The following ADGRD1 variants were observed in gnomAD, a reference collection of about 807,000 sequenced individuals.
ADGRD1 encodes adhesion G protein-coupled receptor D1, also known as G-protein coupled receptor 133.
A neutral mutation model predicts 113.4 loss-of-function variants in ADGRD1; 77 were observed. That is an observed-to-expected ratio of 0.68 (90% CI 0.57 to 0.82). The LOEUF (loss-of-function observed/expected upper bound fraction) is 0.82. Ranked by LOEUF, ADGRD1 falls within the 40% of genes least tolerant of loss-of-function variation. ADGRD1 has a pLI of 0.00. For synonymous variants in ADGRD1, 474 were observed against 475.0 expected (o/e 1.00, Z 0.03); for missense variants, 1,036 against 1,139.1 (o/e 0.91, Z 1.30).
intron 14 of ADGRD1, among the ~76,000 whole-genome samples, chr12:131,081,877 T>C (rs1374450600): frequency 6.6e-6 from 1 of 152,222 alleles, no homozygotes; most frequent in Admixed American, 6.5e-5. Flanking sequence ...TGAAAGATTT[T>C]CATTGGGCTT....
chr12:131,126,495 T>C (rs549519895), intron 20 of ADGRD1, among the ~76,000 whole-genome samples: 82 of 152,334 alleles, frequency 5.4e-4, no homozygotes, highest in Admixed American at 5.3e-3. Context: ...TAGCTATTTG[T>C]ATGTGTGTAT....
At chr12:131,005,868 A>G (rs7978321) in intron 11 of ADGRD1, 104 bp from the exon 12 acceptor site, 277,023 of 867,660 alleles carry the variant, frequency 0.32, 45,552 homozygotes, top group African/African-American at 0.39. Context: ...GAGGGTTCTT[A>G]GGAGTGAGGG....
At chr12:131,124,644 C>T (rs984078331) in intron 20 of ADGRD1, among the ~76,000 whole-genome samples, 2 of 152,046 alleles carry the variant, frequency 1.3e-5, no homozygotes, top group African/African-American at 4.8e-5. Context: ...CACCAGGCGT[C>T]TACAGCCAAA....
chr12:131,079,395 A>C (rs1885894260), intron 14 of ADGRD1, among the ~76,000 whole-genome samples: 1 of 152,160 alleles, frequency 6.6e-6, no homozygotes, highest in East Asian at 1.9e-4. Flanking sequence ...GCTAAATCTA[A>C]TTGGCTACAG....
At chr12:131,104,112 G>A (rs1950168800) in intron 15 of ADGRD1, among the ~76,000 whole-genome samples, 1 of 152,242 alleles carries the variant, frequency 6.6e-6, no homozygotes, top group South Asian at 2.1e-4. Context: ...CCCACAAGGT[G>A]TTGGGACCCA....
chr12:131,065,116 G>C (rs1884613257), intron 13 of ADGRD1, among the ~76,000 whole-genome samples: 1 of 152,168 alleles, frequency 6.6e-6, no homozygotes, highest in African/African-American at 2.4e-5. Flanking sequence ...CCTTGTAGAA[G>C]CCACGTGGCC....
At chr12:131,033,283 G>T (rs1361414608) in intron 13 of ADGRD1, among the ~76,000 whole-genome samples, 1 of 152,186 alleles carries the variant, frequency 6.6e-6, no homozygotes, top group African/African-American at 2.4e-5. Flanking sequence ...TGGGAAGGAA[G>T]GACTTCCAGG....
chr12:130,976,063 C>T (rs1431067019), intron 4 of ADGRD1, among the ~76,000 whole-genome samples: 4 of 152,218 alleles, frequency 2.6e-5, no homozygotes, highest in Admixed American at 6.5e-5. Flanking sequence ...TCCGCACGGC[C>T]ATTTCCCTCT....
At chr12:130,973,328 C>T (rs1342605066) in intron 4 of ADGRD1, 3 of 152,246 alleles carry the variant, frequency 2.0e-5, no homozygotes, top group African/African-American at 7.2e-5. Flanking sequence ...AAAGCCTCAT[C>T]TGTAAAGTGA....
At chr12:131,136,926 T>G (rs760619438) in intron 22 of ADGRD1, 47 bp from the exon 23 acceptor site, 1 of 1,487,194 alleles carries the variant, frequency 6.7e-7, no homozygotes, top group African/African-American at 1.4e-5. Flanking sequence ...TGTTCCTAAC[T>G]ACGTGCAAAG....
chr12:131,040,899 C>T (rs1041506210), intron 13 of ADGRD1, among the ~76,000 whole-genome samples: 2 of 152,240 alleles, frequency 1.3e-5, no homozygotes, highest in Non-Finnish European at 2.9e-5. Flanking sequence ...TTACATCAGA[C>T]GATTCTTACC....
chr12:131,117,442 G>C (rs866316853), intron 18 of ADGRD1, among the ~76,000 whole-genome samples: 4 of 152,042 alleles, frequency 2.6e-5, no homozygotes, highest in Non-Finnish European at 5.9e-5. Flanking sequence ...TTCTTTTTCC[G>C]TCTCTCAGAT....
chr12:131,096,674 C>G lies in ADGRD1; in HGVS notation c.1672-8157C>G, dbSNP rs1887305629. 6.6e-6 allele frequency among the ~76,000 whole-genome samples: 1 copy of G among 152,104 alleles called. No individual in the cohort carries two copies. The highest frequency in any genetic ancestry group is 1.5e-5 in the Non-Finnish European group (1 of 68,044). ...TGTGAGGATGGGTTCCCGTGGGGCA[C>G]TGCCGGTCCAGTTTTATATCCCGCC... On this transcript the variant is annotated intron_variant, in intron 15 of 24. Coordinates refer to ENST00000261654, the MANE Select transcript of ADGRD1 (RefSeq NM_198827.5). This position sits in a 1 kb window ranked among gnomAD's most constrained non-coding sequence, Gnocchi z 5.2.
At chr12:131,030,925 T>C (rs1177757318) in intron 13 of ADGRD1, 1 of 152,232 alleles carries the variant, frequency 6.6e-6, no homozygotes, top group Admixed American at 6.5e-5. Flanking sequence ...TCGCCTTGGT[T>C]ACAGCCACCT....
At chr12:131,053,484 C>A (rs777735025) in intron 13 of ADGRD1, among the ~76,000 whole-genome samples, 1 of 152,186 alleles carries the variant, frequency 6.6e-6, no homozygotes, top group Non-Finnish European at 1.5e-5. Flanking sequence ...GAGGACCTGA[C>A]ATGATTTTTG....
chr12:131,070,435 GA>G (rs1566082057), intron 13 of ADGRD1: 1 of 163,820 alleles, frequency 6.1e-6, no homozygotes, highest in Non-Finnish European at 1.3e-5. Flanking sequence ...TCTGAAGTGG[GA>G]GGGTCTCGTG....
chr12:131,066,372 T>C (rs1884720320), intron 13 of ADGRD1, among the ~76,000 whole-genome samples: 1 of 152,134 alleles, frequency 6.6e-6, no homozygotes, highest in Non-Finnish European at 1.5e-5. Flanking sequence ...TCAGGATGTT[T>C]AGGGCTCGGG....
rs2137285880 is a variant in ADGRD1 at position 131,097,890 on chromosome 12, TGCCCTAC to T, written c.1672-6938_1672-6932del. On this transcript the variant is annotated intron_variant, in intron 15 of 24. Coordinates refer to ENST00000261654, the MANE Select transcript of ADGRD1 (RefSeq NM_198827.5). ...CCCATCCTCTGCTCACCCTGCTCTCTGCCCTACGCTTGGCTTCCTGCCAAGTCCAACC... is the reference window on the plus strand; with the variant it reads ...CCCATCCTCTGCTCACCCTGCTCTCTGCTTGGCTTCCTGCCAAGTCCAACC... Among the ~76,000 whole-genome samples the T allele has an allele frequency of 1.3e-5, 2 of 152,336 alleles. 1 individual carries two copies. Among genetic ancestry groups the T allele is most frequent in the South Asian group, 4.1e-4 (2 of 4,824 alleles).
Position 131,002,623 on chromosome 12 carries a change from T to A in ADGRD1, c.1027-562T>A, listed in dbSNP as rs1876528690. On this transcript the variant is annotated intron_variant, in intron 9 of 24. Transcript: ENST00000261654. ...GGGCCCCCTGCTTTCTTGGGGGCAGTGTCTACCAGGATCCTCTGCTCTGGA... is the reference window on the plus strand; with the variant it reads ...GGGCCCCCTGCTTTCTTGGGGGCAGAGTCTACCAGGATCCTCTGCTCTGGA... The A allele has an allele frequency of 5.5e-6, 6 of 1,083,760 alleles. No individual in the cohort carries two copies. In the South Asian group the frequency reaches 1.3e-4, roughly 23 times the overall value. 67.1% of individuals were successfully genotyped at this position (1,083,760 alleles called of 1,614,324 possible).
Sources: allele counts gnomAD v4.1 joint callset (sites outside exome capture counted in the v4.1 genomes callset), GRCh38; gene constraint gnomAD v4.1.1; non-coding constraint Gnocchi (gnomAD v3.1); transcripts MANE v1.5; gene names NCBI Gene and HGNC (gene_info 2026-07-23, HGNC 2026-07-21).